Variants in LRP8 observed in about 807,000 individuals in gnomAD.
The protein encoded by LRP8 is low-density lipoprotein receptor-related protein 8.
A neutral mutation model predicts 111.6 loss-of-function variants in LRP8; 46 were observed. The ratio of observed to expected loss-of-function variants is 0.41; its 90% CI spans 0.33 to 0.53. LRP8 has a LOEUF of 0.53. Among genes scored for constraint, LRP8 ranks in the 20% least tolerant of loss-of-function variants. The pLI, the probability that LRP8 is intolerant of heterozygous loss-of-function variation, is 0.20. For missense variants in LRP8, 959 were observed against 1,297.4 expected (o/e 0.74, Z 4.01); for synonymous variants, 464 against 511.2 (o/e 0.91, Z 1.24).
At position 53,249,569 on chromosome 1, in the gene LRP8, T is replaced by A; in HGVS notation, c.2677-13A>T. 6.3e-7 allele frequency: 1 copy of A among 1,577,494 alleles called. No individual in the cohort carries two copies. Among genetic ancestry groups the A allele is most frequent in the Non-Finnish European group, 8.6e-7 (1 of 1,161,818 alleles). ...AGCTGCTGATTGCCTGACAGGGGGA[T>A]GGCACTGTGGATGACCTCTGAGGTC... On this transcript the variant is annotated splice_polypyrimidine_tract_variant and intron_variant, in intron 17 of 18. Transcript: ENST00000306052. The surrounding 1 kb of genome is among the most constrained non-coding windows in gnomAD (Gnocchi z 4.1).
chr1:53,291,828 C>A (rs1341364091), intron 2 of LRP8: 1 of 152,208 alleles, frequency 6.6e-6, no homozygotes. Context: ...AAACTGGTGA[C>A]AGGCCAGGCC....
chr1:53,284,778 C>T (rs1647310186), intron 3 of LRP8, among the ~76,000 whole-genome samples: 1 of 152,194 alleles, frequency 6.6e-6, no homozygotes, highest in Non-Finnish European at 1.5e-5. Context: ...TGCCTGATAA[C>T]AGCCCTCCAC....
chr1:53,275,894 T>C lies in LRP8; in HGVS notation c.884-141A>G, dbSNP rs907230776. On this transcript the variant is annotated intron_variant, in intron 5 of 18. Transcript: ENST00000306052. The surrounding 1 kb of genome is among the most constrained non-coding windows in gnomAD (Gnocchi z 4.4). The stretch of plus-strand genomic sequence containing the variant: ...AACTCAGGAGTCCTCAAAGGACACC[T>C]GGCCAAGGCACCTCAGTGTACAGAT... The C allele has an allele frequency of 9.6e-7, 1 of 1,036,996 alleles. No homozygotes were observed. Among genetic ancestry groups the C allele is most frequent in the East Asian group, 2.6e-5 (1 of 38,162 alleles). The allele number at this position is 1,036,996 out of a possible 1,614,324, so 64.2% of individuals were successfully genotyped here. A position where few individuals can be genotyped will look rare whatever the true frequency, so the allele number is the denominator to read the frequency against.
At chr1:53,325,479 C>G (rs983254479) in intron 2 of LRP8, among the ~76,000 whole-genome samples, 3 of 152,214 alleles carry the variant, frequency 2.0e-5, no homozygotes. Context: ...GTCCTCAAAA[C>G]AGTCCAATGA....
chr1:53,290,928 G>A (rs931949613), intron 2 of LRP8, among the ~76,000 whole-genome samples: 6 of 152,146 alleles, frequency 3.9e-5, no homozygotes, highest in Non-Finnish European at 8.8e-5. Flanking sequence ...CTAGGCCTCT[G>A]AATTATTGGG....
intron 2 of LRP8, among the ~76,000 whole-genome samples, chr1:53,296,738 A>T (rs935961948): frequency 4.6e-5 from 7 of 152,168 alleles, no homozygotes; most frequent in East Asian, 3.9e-4. Context: ...CAGTAATGAG[A>T]GGGGGAGGAG....
intron 3 of LRP8, 90 bp from the exon 4 acceptor site, chr1:53,280,805 G>T: frequency 6.5e-7 from 1 of 1,528,672 alleles, no homozygotes; most frequent in Non-Finnish European, 8.9e-7. Flanking sequence ...CAGCCATCTG[G>T]TCCAAGGCCC....
chr1:53,268,091 A>C (rs964634914), intron 8 of LRP8: 2 of 152,434 alleles, frequency 1.3e-5, no homozygotes, highest in African/African-American at 4.8e-5. Flanking sequence ...GTGAGACAGA[A>C]GTGTGGTACA....
intron 18 of LRP8, among the ~76,000 whole-genome samples, chr1:53,247,545 AG>A (rs922425062): frequency 6.6e-6 from 1 of 152,184 alleles, no homozygotes; most frequent in African/African-American, 2.4e-5. Context: ...GAGGCAATGC[AG>A]GTTAATTAAA....
chr1:53,295,577 G>C (rs11206138), intron 2 of LRP8, among the ~76,000 whole-genome samples: 79,627 of 151,954 alleles, frequency 0.52, 21,427 homozygotes, highest in East Asian at 0.9. Flanking sequence ...GGCCATGCAA[G>C]ACAGAAAATC....
intron 6 of LRP8, among the ~76,000 whole-genome samples, chr1:53,272,977 G>C (rs760634234): frequency 5.9e-5 from 9 of 152,212 alleles, no homozygotes; most frequent in Non-Finnish European, 1.2e-4. Flanking sequence ...GGCCCTGAAA[G>C]GGGGAAGGGG....
rs984199871 is a variant in LRP8 at position 53,294,681 on chromosome 1, C to A, written c.245-4992G>T. Among the ~76,000 whole-genome samples, 2 of 152,228 alleles carry A rather than the reference C, an allele frequency of 1.3e-5. No individual in the cohort carries two copies. Among genetic ancestry groups the A allele is most frequent in the African/African-American group, 4.8e-5 (2 of 41,454 alleles). Reference sequence around the variant, plus strand: ...GGGCCCATCCGTCAAACCTTCTGAGCTTGCCTCCTCCTCATCAGGAAATGG... The same window carrying A: ...GGGCCCATCCGTCAAACCTTCTGAGATTGCCTCCTCCTCATCAGGAAATGG... On this transcript the variant is annotated intron_variant, in intron 2 of 18. Transcript: ENST00000306052. The surrounding 1 kb of genome is among the most constrained non-coding windows in gnomAD (Gnocchi z 4.1).
At chr1:53,286,416 G>C (rs931096871) in intron 3 of LRP8, among the ~76,000 whole-genome samples, 1 of 152,182 alleles carries the variant, frequency 6.6e-6, no homozygotes, top group Non-Finnish European at 1.5e-5. Flanking sequence ...AAGGTTCTAA[G>C]ATGCATGAAA....
intron 12 of LRP8, among the ~76,000 whole-genome samples, chr1:53,261,461 T>C (rs1242377658): frequency 6.6e-6 from 1 of 152,150 alleles, no homozygotes; most frequent in African/African-American, 2.4e-5. Flanking sequence ...TCCCTCCCCT[T>C]GGTGGTGGAG....
At chr1:53,253,508 C>A (rs942782444) in intron 16 of LRP8, among the ~76,000 whole-genome samples, 1 of 152,158 alleles carries the variant, frequency 6.6e-6, no homozygotes, top group Non-Finnish European at 1.5e-5. Flanking sequence ...TACTCTACCT[C>A]ACAGGGAAAT....
chr1:53,253,075 C>T (rs1645948624), intron 16 of LRP8, among the ~76,000 whole-genome samples: 2 of 151,938 alleles, frequency 1.3e-5, no homozygotes, highest in Admixed American at 1.3e-4. Flanking sequence ...GAGAAAAAAA[C>T]AGTTAAATCT....
intron 3 of LRP8, among the ~76,000 whole-genome samples, chr1:53,280,970 A>G (rs1647088567): frequency 6.6e-6 from 1 of 152,056 alleles, no homozygotes; most frequent in Non-Finnish European, 1.5e-5. Context: ...AGTCCCTTTG[A>G]TCCATTGACT....
intron 10 of LRP8, among the ~76,000 whole-genome samples, chr1:53,263,564 C>G (rs1031791648): frequency 6.6e-6 from 1 of 152,104 alleles, no homozygotes; most frequent in African/African-American, 2.4e-5. Flanking sequence ...GCAGGGCAAC[C>G]TAGGTGGTGA....
At chr1:53,324,015 C>A (rs902562737) in intron 2 of LRP8, among the ~76,000 whole-genome samples, 1 of 152,210 alleles carries the variant, frequency 6.6e-6, no homozygotes, top group African/African-American at 2.4e-5. Context: ...TTTTGCCTCA[C>A]GCAGACTCTA....
Sources: allele counts gnomAD v4.1 joint callset (sites outside exome capture counted in the v4.1 genomes callset), GRCh38; gene constraint gnomAD v4.1.1; non-coding constraint Gnocchi (gnomAD v3.1); transcripts MANE v1.5; gene names NCBI Gene and HGNC (gene_info 2026-07-23, HGNC 2026-07-21).